Variants in SYN3 observed in about 807,000 individuals in gnomAD.
SYN3 encodes the protein synapsin-3.
SYN3 carries 35 observed loss-of-function variants against 65.8 expected under a neutral mutation model. The observed-to-expected ratio is 0.53, with a 90% CI of 0.41 to 0.70. The LOEUF (loss-of-function observed/expected upper bound fraction) is 0.70. Among genes scored for constraint, SYN3 ranks in the 30% least tolerant of loss-of-function variants. SYN3 has a pLI of 0.00. For synonymous variants in SYN3, 270 were observed against 292.9 expected, an observed-to-expected ratio of 0.92 and a Z score of 0.80; for missense variants, 680 against 749.0, an observed-to-expected ratio of 0.91 and a Z score of 1.08.
At chr22:32,525,792 C>G (rs1338747272) in intron 12 of SYN3, among the ~76,000 whole-genome samples, 2 of 151,972 alleles carry the variant, frequency 1.3e-5, no homozygotes, top group Non-Finnish European at 1.5e-5. Flanking sequence ...GTTGATAAAG[C>G]AGCAGCAGGT....
intron 6 of SYN3, among the ~76,000 whole-genome samples, chr22:32,754,247 G>A (rs1375643469): frequency 6.6e-6 from 1 of 152,106 alleles, no homozygotes; most frequent in Non-Finnish European, 1.5e-5. Context: ...TGCCTCCCGG[G>A]TTCAAGCGAT....
intron 6 of SYN3, chr22:32,783,365 T>C (rs1227961362): frequency 2.6e-5 from 4 of 152,236 alleles, no homozygotes; most frequent in Non-Finnish European, 5.9e-5. Flanking sequence ...CCCTGCTAAG[T>C]AATTCCTTGC....
chr22:32,863,969 G>A (rs1472413939), intron 6 of SYN3, among the ~76,000 whole-genome samples: 2 of 152,166 alleles, frequency 1.3e-5, no homozygotes, highest in East Asian at 3.8e-4. Flanking sequence ...TCTGGATTCT[G>A]TGACTCTTGC....
intron 6 of SYN3, among the ~76,000 whole-genome samples, chr22:32,758,054 T>C (rs2045347773): frequency 6.6e-6 from 1 of 152,244 alleles, no homozygotes; most frequent in Non-Finnish European, 1.5e-5. Flanking sequence ...TATACACTTG[T>C]ACTAAGAAAA....
intron 2 of SYN3, among the ~76,000 whole-genome samples, chr22:32,991,979 G>T (rs929691974): frequency 6.6e-6 from 1 of 152,228 alleles, no homozygotes; most frequent in Non-Finnish European, 1.5e-5. Context: ...CCCAGGGCAA[G>T]GCTGTAACTC....
chr22:33,004,937 G>C (rs1453744933), intron 2 of SYN3, among the ~76,000 whole-genome samples: 2 of 152,020 alleles, frequency 1.3e-5, no homozygotes, highest in African/African-American at 4.8e-5. Flanking sequence ...CCAGAGGGAG[G>C]TAATTTGAAT....
intron 7 of SYN3, among the ~76,000 whole-genome samples, chr22:32,550,359 C>T (rs1399274452): frequency 3.6e-5 from 3 of 83,542 alleles, no homozygotes; most frequent in East Asian, 1.2e-3. Flanking sequence ...TTTGTTTAAC[C>T]ACATTAAAAA....
At chr22:32,572,424 TTCCTTCCTTCCTTCCC>T in intron 7 of SYN3, among the ~76,000 whole-genome samples, 1 of 63,504 alleles carries the variant, frequency 1.6e-5, no homozygotes, top group African/African-American at 8.3e-5. Flanking sequence ...TCCTTCCTTC[TTCCTTCCTTCCTTCCC>T]TCCTTCCTTT....
chr22:32,886,662 CT>C (rs1343273762), intron 4 of SYN3, among the ~76,000 whole-genome samples: 1 of 152,234 alleles, frequency 6.6e-6, no homozygotes, highest in Admixed American at 6.5e-5. Context: ...TCACAGGTGA[CT>C]TGTGTCCCTC....
At chr22:32,780,068 C>CAAAAAAAAAAAAAA (rs130536) in intron 6 of SYN3, among the ~76,000 whole-genome samples, 42,498 of 70,498 alleles carry the variant, frequency 0.6, 13,869 homozygotes, top group Non-Finnish European at 0.63. Flanking sequence ...GATTCTGTCT[C>CAAAAAAAAAAAAAA]AAAAAAAAAA....
At chr22:32,523,919 T>C (rs541009719) in intron 12 of SYN3, among the ~76,000 whole-genome samples, 2 of 152,212 alleles carry the variant, frequency 1.3e-5, no homozygotes, top group Non-Finnish European at 2.9e-5. Flanking sequence ...AACAGCCTCA[T>C]TGCTGATACG....
Position 32,549,292 on chromosome 22 carries a change from C to T in SYN3, c.775-7579G>A, listed in dbSNP as rs141607904. On this transcript the variant is annotated intron_variant, in intron 7 of 13. Transcript: ENST00000358763. ...TGTTTGAGACAGAGTCTCCCTCTGTCACCCAGGCTGGAATGCAGTGGCATG... is the reference window on the plus strand; with the variant it reads ...TGTTTGAGACAGAGTCTCCCTCTGTTACCCAGGCTGGAATGCAGTGGCATG... Among the ~76,000 whole-genome samples, 21 of 151,966 alleles carry T rather than the reference C, an allele frequency of 1.4e-4. No homozygotes were observed. In the East Asian group the frequency reaches 3.9e-3, roughly 28 times the overall value.
At chr22:33,053,291 C>T (rs1240598577) in intron 1 of SYN3, among the ~76,000 whole-genome samples, 2 of 152,086 alleles carry the variant, frequency 1.3e-5, no homozygotes, top group African/African-American at 2.4e-5. Flanking sequence ...GGTGCGGTGG[C>T]GGGTGCCTAT....
At chr22:32,634,263 G>A (rs912269962) in intron 6 of SYN3, among the ~76,000 whole-genome samples, 3 of 152,084 alleles carry the variant, frequency 2.0e-5, no homozygotes, top group African/African-American at 4.8e-5. Context: ...ATAAACAGCC[G>A]AGCCACTATT....
At chr22:32,528,231 G>A (rs1013708728) in intron 11 of SYN3, among the ~76,000 whole-genome samples, 1 of 152,144 alleles carries the variant, frequency 6.6e-6, no homozygotes, top group African/African-American at 2.4e-5. Context: ...AGCCTGCCCC[G>A]TGCCCCTTCC....
chr22:32,871,684 T>A (rs1457497579), intron 4 of SYN3, among the ~76,000 whole-genome samples: 1 of 152,120 alleles, frequency 6.6e-6, no homozygotes, highest in East Asian at 1.9e-4. Flanking sequence ...TCACACTCAC[T>A]GCACCCTCAA....
Position 32,510,565 on chromosome 22 carries a change from C to A in SYN3, c.*3127G>T, listed in dbSNP as rs950429075. Reference sequence around the variant, plus strand: ...CCCTGCCCTACAAGTTTTCTCTTACCCGTTTATTCAGGATGTCACACAGCA... The same window carrying A: ...CCCTGCCCTACAAGTTTTCTCTTACACGTTTATTCAGGATGTCACACAGCA... On this transcript the variant is annotated 3_prime_UTR_variant, in exon 14 of 14. Transcript: ENST00000358763. 5.3e-5 allele frequency among the ~76,000 whole-genome samples: 8 copies of A among 152,040 alleles called. No individual in the cohort carries two copies. Among genetic ancestry groups the A allele is most frequent in the African/African-American group, 1.9e-4 (8 of 41,380 alleles).
Position 32,909,831 on chromosome 22 carries a change from G to A in SYN3, c.461+21559C>T, listed in dbSNP as rs544476858. Among the ~76,000 whole-genome samples, 10 of 152,222 alleles carry A rather than the reference G, an allele frequency of 6.6e-5. No homozygotes were observed. In the East Asian group the frequency reaches 1.2e-3, roughly 18 times the overall value. On this transcript the variant is annotated intron_variant, in intron 4 of 13. Transcript: ENST00000358763. ...AGCATGAGCCCAGCCTCCTAGACTC[G>A]CCTTTGTGAAGCAGTGCAGTTCCCG...
chr22:32,737,216 G>A (rs1466030046), intron 6 of SYN3, among the ~76,000 whole-genome samples: 1 of 152,182 alleles, frequency 6.6e-6, no homozygotes, highest in Non-Finnish European at 1.5e-5. Flanking sequence ...AACAACCCAT[G>A]AGGTTAGGTA....
Sources: allele counts gnomAD v4.1 joint callset (sites outside exome capture counted in the v4.1 genomes callset), GRCh38; gene constraint gnomAD v4.1.1; transcripts MANE v1.5; gene names NCBI Gene and HGNC (gene_info 2026-07-23, HGNC 2026-07-21).